The following PCM1 variants were observed in gnomAD, a reference collection of about 807,000 sequenced individuals.
PCM1 encodes pericentriolar material 1.
A neutral mutation model predicts 241.9 loss-of-function variants in PCM1; 157 were observed. The observed-to-expected ratio is 0.65, with a 90% confidence interval of 0.57 to 0.74. PCM1 has a LOEUF of 0.74. PCM1 is among the 30% of genes least tolerant of loss of function. PCM1 has a pLI of 0.00. For missense variants in PCM1, 3,478 were observed against 2,360.1 expected (o/e 1.47, Z -9.81); for synonymous variants, 1,085 against 784.9 (o/e 1.38, Z -6.39).
intron 29 of PCM1, among the ~76,000 whole-genome samples, chr8:18,001,693 A>G (rs1564300778): frequency 6.6e-6 from 1 of 152,186 alleles, no homozygotes; most frequent in Non-Finnish European, 1.5e-5. Context: ...AGTTTCTTAT[A>G]TTGTACTCAT....
chr8:17,996,166 T>C (rs1402426431), intron 29 of PCM1, among the ~76,000 whole-genome samples: 2 of 152,138 alleles, frequency 1.3e-5, no homozygotes, highest in Admixed American at 6.6e-5. Context: ...ATACTAGCTG[T>C]GGGTCTGTTG....
Position 17,956,630 on chromosome 8 carries a change from T to A in PCM1, c.1499T>A (p.Leu500Ter). Reference sequence around the variant, plus strand: ...AAGTTAAATGAAGTTCGAAAGAGATTGAATGAGCTAAGAGAATTAGTTCAT... The same window carrying A: ...AAGTTAAATGAAGTTCGAAAGAGATAGAATGAGCTAAGAGAATTAGTTCAT... ...LQKLNEVRKRLNELRELVHYY... is the reference protein window; with the variant it reads ...LQKLNEVRKR The change falls in exon 11 of 39, where the codon TTG (leucine) becomes TAG (stop). Residue 500 changes from leucine to a stop codon, truncating the protein, a stop_gained. Coordinates refer to ENST00000325083, the MANE Select transcript of PCM1 (RefSeq NM_006197.4). LOFTEE classifies it high-confidence loss of function. 1 of 1,597,644 alleles carries A rather than the reference T, an allele frequency of 6.3e-7. No homozygotes were observed. The highest frequency in any genetic ancestry group is 8.5e-7 in the Non-Finnish European group (1 of 1,170,706).
At chr8:17,935,009 A>G (rs141830511) in intron 2 of PCM1, among the ~76,000 whole-genome samples, 1 of 152,336 alleles carries the variant, frequency 6.6e-6, no homozygotes, top group Non-Finnish European at 1.5e-5. Context: ...TATTCTTAAA[A>G]TGTCTTCTAG....
At chr8:17,941,416 A>G (rs2061995692) in intron 6 of PCM1, among the ~76,000 whole-genome samples, 1 of 152,154 alleles carries the variant, frequency 6.6e-6, no homozygotes. Flanking sequence ...TGGTATGGTA[A>G]TTCCGCAGGA....
At position 18,015,801 on chromosome 8, in the gene PCM1, ACTGCTTTCTCG is replaced by A. The variant is rs2093114442; in HGVS notation, c.5841+966_5841+976del. 1.3e-5 allele frequency: 2 copies of A among 152,214 alleles called. 1 individual carries two copies. Among genetic ancestry groups the A allele is most frequent in the South Asian group, 4.1e-4 (2 of 4,834 alleles). 9.4% of individuals were successfully genotyped at this position (152,214 alleles called of 1,614,324 possible). A position where few individuals can be genotyped will look rare whatever the true frequency, so the allele number is the denominator to read the frequency against. ...CAGGCAAAAGGTGTCCATTGTGCTC[ACTGCTTTCTCG>A]CTGCATCTGGAGGTCCTGGGTAAGT... On this transcript the variant is annotated intron_variant, in intron 36 of 38. Coordinates refer to ENST00000325083, the MANE Select transcript of PCM1 (RefSeq NM_006197.4).
intron 6 of PCM1, among the ~76,000 whole-genome samples, chr8:17,942,471 A>C (rs1324704730): frequency 6.6e-6 from 1 of 151,226 alleles, no homozygotes; most frequent in Admixed American, 6.6e-5. Context: ...AAAAATAATG[A>C]AATAAAAATA....
At chr8:17,952,385 G>C (rs1273564253) in intron 8 of PCM1, among the ~76,000 whole-genome samples, 1 of 151,994 alleles carries the variant, frequency 6.6e-6, no homozygotes, top group African/African-American at 2.4e-5. Context: ...TATGTAACGT[G>C]GCATTGTTAT....
In PCM1 at chr8:17,967,667, T is replaced by TTCA. The variant is rs1321390375; in HGVS notation, c.3412+497_3412+498insTCA. Among the ~76,000 whole-genome samples the TTCA allele has an allele frequency of 3.9e-5, 6 of 152,334 alleles. No homozygotes were observed. In the South Asian group the frequency reaches 6.2e-4, roughly 16 times the overall value. Reference sequence around the variant, plus strand: ...CGGTTGCTAATGAAATTAAGTAAACTACTTAGGAATGATTGCTTCAACTAT... The same window carrying TTCA: ...CGGTTGCTAATGAAATTAAGTAAACTTCAACTTAGGAATGATTGCTTCAACTAT... On this transcript the variant is annotated intron_variant, in intron 21 of 38. Coordinates refer to ENST00000325083, the MANE Select transcript of PCM1 (RefSeq NM_006197.4).
intron 1 of PCM1, 40 bp from the exon 2 acceptor site, chr8:17,924,673 G>C (rs923783568): frequency 2.0e-5 from 3 of 152,180 alleles, no homozygotes; most frequent in Non-Finnish European, 4.4e-5. Context: ...CATAGCGTAA[G>C]TAATTTACTT....
intron 13 of PCM1, among the ~76,000 whole-genome samples, chr8:17,959,121 T>G (rs2070341455): frequency 6.6e-6 from 1 of 152,114 alleles, no homozygotes; most frequent in South Asian, 2.1e-4. Context: ...CACCTATTTT[T>G]AAAAAAATAC....
chr8:17,932,869 G>T (rs1395920624), intron 2 of PCM1, among the ~76,000 whole-genome samples: 3 of 151,948 alleles, frequency 2.0e-5, no homozygotes, highest in African/African-American at 4.8e-5. Flanking sequence ...TTCTCAGTTG[G>T]GAGAGAATTA....
chr8:18,018,899 CAT>C lies in PCM1; in HGVS notation c.5841+4071_5841+4072del, dbSNP rs71545509. Among the ~76,000 whole-genome samples the C allele has an allele frequency of 5.9e-4, 67 of 113,260 alleles. 1 individual carries two copies. The East Asian group carries it at 7.6e-3, about 13-fold the overall frequency. The allele number at this position is 113,260 out of a possible 152,430, so 74.3% of individuals were successfully genotyped here. The stretch of plus-strand genomic sequence containing the variant: ...ATATATACACACACATATACATACA[CAT>C]ATATATATATAAATATATAACATAT... On this transcript the variant is annotated intron_variant, in intron 36 of 38. Coordinates refer to ENST00000325083, the MANE Select transcript of PCM1 (RefSeq NM_006197.4).
At chr8:18,008,401 C>G (rs531927970) in intron 30 of PCM1, among the ~76,000 whole-genome samples, 15 of 152,076 alleles carry the variant, frequency 9.9e-5, no homozygotes, top group African/African-American at 2.7e-4. Flanking sequence ...CCCACTGATT[C>G]TACATTATGG....
rs201152704 is a variant in PCM1 at position 17,955,639 on chromosome 8, A to T, written c.1458A>T (p.Pro486=). 2.4e-4 allele frequency: 388 copies of T among 1,612,340 alleles called. No individual in the cohort carries two copies. The highest frequency in any genetic ancestry group is 1.5e-3 in the Middle Eastern group (9 of 6,046). The change falls in exon 10 of 39, where the codon CCA becomes CCT. Residue 486 remains proline (P), a synonymous_variant. Coordinates refer to ENST00000325083, the MANE Select transcript of PCM1 (RefSeq NM_006197.4). ...NESENEGHLN[P]SEKLQKLNEV... is the part of the protein sequence containing the mutation. ...GTGAAAACGAAGGCCACCTCAATCC[A>T]TCTGAAAAACTCCAGTAAAACATTT...
At chr8:17,977,975 G>A (rs767419837) in intron 23 of PCM1, among the ~76,000 whole-genome samples, 4 of 152,082 alleles carry the variant, frequency 2.6e-5, no homozygotes, top group South Asian at 2.1e-4. Context: ...GAAAACAGAA[G>A]TAGACCACTG....
chr8:17,964,986 C>G (rs1179512105), intron 18 of PCM1, among the ~76,000 whole-genome samples: 1 of 152,110 alleles, frequency 6.6e-6, no homozygotes, highest in African/African-American at 2.4e-5. Flanking sequence ...CTGCTTGGTC[C>G]CCACGTTACC....
intron 23 of PCM1, among the ~76,000 whole-genome samples, chr8:17,974,348 T>A (rs752310786): frequency 6.6e-6 from 1 of 152,186 alleles, no homozygotes; most frequent in African/African-American, 2.4e-5. Flanking sequence ...CTTTGTCATA[T>A]AAATAAATGA....
intron 29 of PCM1, among the ~76,000 whole-genome samples, chr8:17,999,848 A>G (rs2088602827): frequency 6.6e-6 from 1 of 151,760 alleles, no homozygotes. Context: ...CTTTTTTTTT[A>G]ATGGATCCAC....
chr8:17,945,508 C>T (rs917967456), intron 6 of PCM1, among the ~76,000 whole-genome samples: 1 of 152,146 alleles, frequency 6.6e-6, no homozygotes, highest in Admixed American at 6.5e-5. Context: ...CTAATTATAG[C>T]CAACTTCCTA....
Sources: gnomAD v4.1 joint callset for allele counts (sites outside exome capture counted in the v4.1 genomes callset) on GRCh38, gnomAD v4.1.1 for gene constraint, MANE v1.5 for transcripts, NCBI Gene and HGNC (gene_info 2026-07-23, HGNC 2026-07-21) for gene names.